ARNT2: variants seen among roughly 807,000 people sequenced by gnomAD.
The protein encoded by ARNT2 is aryl hydrocarbon receptor nuclear translocator 2, also known as ARNT protein 2.
Under a neutral mutation model 91.7 loss-of-function variants are expected in ARNT2, and 36 were observed. That is an observed-to-expected ratio of 0.39 (90% CI 0.30 to 0.52). The LOEUF (loss-of-function observed/expected upper bound fraction) is 0.52, where lower values mean the gene tolerates loss of function less well. Among genes scored for constraint, ARNT2 ranks in the 20% least tolerant of loss-of-function variants. The pLI is 0.72. For synonymous variants in ARNT2, 365 were observed against 347.1 expected (o/e 1.05, Z -0.57); for missense variants, 775 against 939.3 (o/e 0.83, Z 2.29).
chr15:80,552,722 TCATCACA>T lies in ARNT2; in HGVS notation c.1038_1044del (p.Ile347LeufsTer9). ...TTATCCCGGCATAACTCCGATGGAA[TCATCACA>T]TTTGTGGATCCAAGATGTATCAGTG... On this transcript the variant is annotated frameshift_variant, in exon 10 of 19. Transcript: ENST00000303329. LOFTEE classifies it high-confidence loss of function. 1 of 1,614,146 alleles carries T rather than the reference TCATCACA, an allele frequency of 6.2e-7. No homozygotes were observed. Among genetic ancestry groups the T allele is most frequent in the Non-Finnish European group, 8.5e-7 (1 of 1,179,994 alleles).
At chr15:80,533,816 C>T (rs572926477) in intron 8 of ARNT2, among the ~76,000 whole-genome samples, 1 of 152,364 alleles carries the variant, frequency 6.6e-6, no homozygotes, top group African/African-American at 2.4e-5. Context: ...GGGCAGAAGC[C>T]TGGGGGCCTC....
Position 80,563,074 on chromosome 15 carries a change from A to C in ARNT2, c.1165-14A>C. ...CTTCCTCCTGCTGACTTCCTTCTCC[A>C]AATGTTTTCTCAGGTGGTTAAGCTG... is the stretch of plus-strand genomic sequence containing the variant. On this transcript the variant is annotated splice_polypyrimidine_tract_variant and intron_variant, in intron 11 of 18. Coordinates refer to ENST00000303329, the MANE Select transcript of ARNT2 (RefSeq NM_014862.4). The C allele has an allele frequency of 6.2e-7, 1 of 1,613,926 alleles. No individual in the cohort carries two copies. Among genetic ancestry groups the C allele is most frequent in the African/African-American group, 1.3e-5 (1 of 74,944 alleles).
chr15:80,454,916 C>G (rs1413923888), intron 2 of ARNT2, among the ~76,000 whole-genome samples: 3 of 152,158 alleles, frequency 2.0e-5, no homozygotes, highest in Non-Finnish European at 4.4e-5. Flanking sequence ...GCATTTTCAG[C>G]CCCCTTTTTG....
chr15:80,477,056 C>T (rs1253484952), intron 5 of ARNT2, among the ~76,000 whole-genome samples: 1 of 152,176 alleles, frequency 6.6e-6, no homozygotes. Flanking sequence ...TTAAGAGTTC[C>T]TGCTTCTGCC....
At chr15:80,528,931 C>A (rs1180059614) in intron 8 of ARNT2, among the ~76,000 whole-genome samples, 2 of 152,170 alleles carry the variant, frequency 1.3e-5, no homozygotes, top group Admixed American at 6.5e-5. Context: ...ACAGGTTTGC[C>A]ATTTCCAACA....
intron 12 of ARNT2, among the ~76,000 whole-genome samples, chr15:80,570,036 A>G (rs1898557886): frequency 6.6e-6 from 1 of 152,230 alleles, no homozygotes; most frequent in Admixed American, 6.5e-5. Context: ...TGCCCAAGGT[A>G]CTAGAATGGG....
At position 80,580,434 on chromosome 15, in the gene ARNT2, G is replaced by C; in HGVS notation, c.1637G>C (p.Gly546Ala). The change falls in exon 16 of 19, where the codon GGA becomes GCA. Residue 546 changes from glycine (G) to alanine (A), a missense_variant. This residue lies in a region of ARNT2 where 325 missense variants were observed against 359.9 expected (regional missense o/e 0.90). Transcript: ENST00000303329. ...AGCTCTTCAGTGGTTCATGTGCCTG[G>C]AGTGAATGATATTCAGTCCTCTTCT... ...AFSSSVVHVPGVNDIQSSSST... is the reference protein window; with the variant it reads ...AFSSSVVHVPAVNDIQSSSST... The C allele has an allele frequency of 6.2e-7, 1 of 1,614,144 alleles. No individual in the cohort carries two copies. Among genetic ancestry groups the C allele is most frequent in the Non-Finnish European group, 8.5e-7 (1 of 1,180,026 alleles).
At chr15:80,493,530 C>T (rs1897084977) in intron 5 of ARNT2, among the ~76,000 whole-genome samples, 1 of 152,144 alleles carries the variant, frequency 6.6e-6, no homozygotes, top group Non-Finnish European at 1.5e-5. Flanking sequence ...TTTTCTTCCT[C>T]TTTATGTGGC....
At position 80,532,574 on chromosome 15, in the gene ARNT2, C is replaced by T. The variant is rs547183667; in HGVS notation, c.877+18169C>T. Among the ~76,000 whole-genome samples the T allele has an allele frequency of 3.2e-4, 48 of 152,316 alleles. 1 individual carries two copies. The highest frequency in any genetic ancestry group is 1.1e-3 in the African/African-American group (46 of 41,570). ...ACAGATGCATGCTTTGCTCCATGTGCTTGGGCCACAGGTCACTTTCTAAAA... is the reference window on the plus strand; with the variant it reads ...ACAGATGCATGCTTTGCTCCATGTGTTTGGGCCACAGGTCACTTTCTAAAA... On this transcript the variant is annotated intron_variant, in intron 8 of 18. Transcript: ENST00000303329.
intron 6 of ARNT2, among the ~76,000 whole-genome samples, chr15:80,512,710 T>C (rs1341112114): frequency 2.6e-5 from 4 of 152,182 alleles, no homozygotes; most frequent in Non-Finnish European, 5.9e-5. Context: ...TATGAATAAA[T>C]TGATTGAAAG....
At chr15:80,476,749 G>T (rs1896808653) in intron 5 of ARNT2, among the ~76,000 whole-genome samples, 1 of 152,240 alleles carries the variant, frequency 6.6e-6, no homozygotes, top group South Asian at 2.1e-4. Context: ...AGTTCTGGAG[G>T]CTGGGCATTC....
intron 12 of ARNT2, among the ~76,000 whole-genome samples, chr15:80,570,274 G>C (rs1898561986): frequency 6.6e-6 from 1 of 152,056 alleles, no homozygotes; most frequent in Admixed American, 6.5e-5. Context: ...TGTTACTCTG[G>C]ACCCATAGTT....
intron 15 of ARNT2, among the ~76,000 whole-genome samples, chr15:80,579,231 C>A (rs1041932071): frequency 6.6e-6 from 1 of 152,122 alleles, no homozygotes; most frequent in African/African-American, 2.4e-5. Flanking sequence ...TCCTACTAGA[C>A]AATAGTGACC....
At chr15:80,452,075 G>C (rs1896402151) in intron 2 of ARNT2, among the ~76,000 whole-genome samples, 1 of 152,234 alleles carries the variant, frequency 6.6e-6, no homozygotes. Flanking sequence ...GCAATGGGAA[G>C]TATCAGGATC....
At chr15:80,549,633 A>T (rs1388218766) in intron 8 of ARNT2, among the ~76,000 whole-genome samples, 1 of 152,220 alleles carries the variant, frequency 6.6e-6, no homozygotes, top group Non-Finnish European at 1.5e-5. Context: ...AGAGAAATGC[A>T]AATTAGGACA....
intron 5 of ARNT2, among the ~76,000 whole-genome samples, chr15:80,481,888 C>T (rs530211197): frequency 6.6e-6 from 1 of 152,290 alleles, no homozygotes; most frequent in African/African-American, 2.4e-5. Context: ...TGTACACCAT[C>T]ATGCCTGGCT....
rs533548197 is a variant in ARNT2 at position 80,505,922 on chromosome 15, T to A, written c.623-2234T>A. ...TTAAAGAAAAAATGATTCCCAACAT[T>A]TGTTGTTTTTTTTTTTTTTTTTTTT... On this transcript the variant is annotated intron_variant, in intron 5 of 18. Transcript: ENST00000303329. Among the ~76,000 whole-genome samples, 7 of 118,626 alleles carry A rather than the reference T, an allele frequency of 5.9e-5. No individual in the cohort carries two copies. In the South Asian group the frequency reaches 1.8e-3, roughly 31 times the overall value. 77.8% of individuals were successfully genotyped at this position (118,626 alleles called of 152,430 possible).
At chr15:80,483,474 G>T (rs1167352210) in intron 5 of ARNT2, among the ~76,000 whole-genome samples, 7 of 152,182 alleles carry the variant, frequency 4.6e-5, no homozygotes, top group East Asian at 1.9e-4. Context: ...AGCTCTGGGG[G>T]TTTGCTGTCC....
intron 11 of ARNT2, among the ~76,000 whole-genome samples, chr15:80,559,167 C>T (rs541106111): frequency 4.6e-5 from 7 of 152,214 alleles, no homozygotes; most frequent in South Asian, 4.2e-4. Context: ...AGACTGCTGA[C>T]GCTGTCAGAA....
Sources: allele counts gnomAD v4.1 joint callset (sites outside exome capture counted in the v4.1 genomes callset), GRCh38; gene constraint gnomAD v4.1.1; regional missense constraint gnomAD v4.1.1; transcripts MANE v1.5; gene names NCBI Gene and HGNC (gene_info 2026-07-23, HGNC 2026-07-21).